AMBN: variants seen among roughly 807,000 people sequenced by gnomAD.
AMBN encodes enamel matrix protein.
AMBN carries 54 observed loss-of-function variants against 48.0 expected under a neutral mutation model. The ratio of observed to expected loss-of-function variants is 1.12; its 90% CI spans 0.90 to 1.41. The LOEUF is 1.41. Ranked by LOEUF, AMBN falls within the 40% of genes most tolerant of loss-of-function variation. The pLI is 0.00. For synonymous variants in AMBN, 186 were observed against 190.0 expected (o/e 0.98, Z 0.17); for missense variants, 571 against 547.3 (o/e 1.04, Z -0.43).
chr4:70,605,274 T>C (rs1192595234), intron 12 of AMBN, among the ~76,000 whole-genome samples: 1 of 152,094 alleles, frequency 6.6e-6, no homozygotes, highest in Non-Finnish European at 1.5e-5. Context: ...TGGCTGGAAG[T>C]TCAAAATTCA....
In AMBN at chr4:70,603,327, T is replaced by G. The variant is rs2093139326; in HGVS notation, c.708+8T>G. On this transcript the variant is annotated splice_region_variant and intron_variant, in intron 10 of 12. Coordinates refer to ENST00000322937, the MANE Select transcript of AMBN (RefSeq NM_016519.6). ...CAAAATAAACAATCTCCAGTAAGTTTTTTTTAATACCACATCTCTGTTTGC... is the reference window on the plus strand; with the variant it reads ...CAAAATAAACAATCTCCAGTAAGTTGTTTTTAATACCACATCTCTGTTTGC... 2 of 1,613,696 alleles carry G rather than the reference T, an allele frequency of 1.2e-6. No homozygotes were observed. Among genetic ancestry groups the G allele is most frequent in the Non-Finnish European group, 1.7e-6 (2 of 1,179,818 alleles).
chr4:70,606,310 C>G lies in AMBN; in HGVS notation c.924C>G (p.Ser308=). The G allele has an allele frequency of 6.2e-7, 1 of 1,614,056 alleles. No individual in the cohort carries two copies. Among genetic ancestry groups the G allele is most frequent in the Non-Finnish European group, 8.5e-7 (1 of 1,180,002 alleles). The change falls in exon 13 of 13, where the codon TCC becomes TCG. Residue 308 remains serine (S), a synonymous_variant. Transcript: ENST00000322937. ...GTGACTTCACTCTGGAATTTGACTC[C>G]CCAGTGGCTGCCACCAAAGGCCCTG... ...MGGDFTLEFD[S]PVAATKGPEN... is the part of the protein sequence containing the mutation.
intron 2 of AMBN, among the ~76,000 whole-genome samples, chr4:70,595,415 G>A (rs1286779911): frequency 1.3e-5 from 2 of 151,904 alleles, no homozygotes; most frequent in African/African-American, 2.4e-5. Context: ...TCAAATTCCT[G>A]ACCTCATGAT....
At chr4:70,601,875 T>C in intron 6 of AMBN, 1 of 664,544 alleles carries the variant, frequency 1.5e-6, no homozygotes, top group South Asian at 1.5e-5. Context: ...TTCTAAAAGA[T>C]ACTGTGCCTA....
chr4:70,605,561 C>T (rs1334216560), intron 12 of AMBN, among the ~76,000 whole-genome samples: 3 of 152,016 alleles, frequency 2.0e-5, no homozygotes, highest in Admixed American at 6.5e-5. Context: ...TATTTGTCCA[C>T]AAGAAGAAAA....
chr4:70,599,439 CA>C (rs370473140), intron 4 of AMBN, 96 bp from the exon 5 acceptor site: 30,448 of 701,054 alleles, frequency 0.043, 19 homozygotes, highest in South Asian at 0.062. Flanking sequence ...GATTCCATCT[CA>C]AAAAAAAAAA....
In AMBN at chr4:70,604,473, TTGAC is replaced by T. The variant is rs550039546; in HGVS notation, c.798+554_798+557del. On this transcript the variant is annotated intron_variant, in intron 12 of 12. Transcript: ENST00000322937. ...TTTGAGATCAATAAAGTCATACAAC[TTGAC>T]TTTTTCCCTAAGAAAATTTTTGCCT... Among the ~76,000 whole-genome samples the T allele has an allele frequency of 2.6e-3, 400 of 152,346 alleles. 1 individual carries two copies. Among genetic ancestry groups the T allele is most frequent in the South Asian group, 7.9e-3 (38 of 4,824 alleles).
At chr4:70,605,526 A>G (rs1285635193) in intron 12 of AMBN, among the ~76,000 whole-genome samples, 1 of 152,214 alleles carries the variant, frequency 6.6e-6, no homozygotes, top group Non-Finnish European at 1.5e-5. Context: ...AGGTAGAAAA[A>G]GAAACATGGT....
chr4:70,596,940 T>A, intron 2 of AMBN, 59 bp from the exon 3 acceptor site: 2 of 1,492,162 alleles, frequency 1.3e-6, no homozygotes, highest in Non-Finnish European at 9.3e-7. Context: ...CTACGCCCAA[T>A]GGGCATTGAA....
intron 2 of AMBN, among the ~76,000 whole-genome samples, chr4:70,595,066 A>G (rs1269433901): frequency 6.6e-6 from 1 of 152,076 alleles, no homozygotes; most frequent in Non-Finnish European, 1.5e-5. Context: ...CGATTCCCCC[A>G]AATTCTCAAC....
At chr4:70,603,393 G>C in intron 10 of AMBN, 23 bp from the exon 11 acceptor site, 1 of 1,613,426 alleles carries the variant, frequency 6.2e-7, no homozygotes, top group African/African-American at 1.3e-5. Context: ...TGCATTTTGT[G>C]ATAATGATTG....
chr4:70,599,816 T>G (rs1388749655), intron 5 of AMBN, among the ~76,000 whole-genome samples, 170 bp downstream of exon 5: 2 of 152,208 alleles, frequency 1.3e-5, no homozygotes, highest in African/African-American at 4.8e-5. Context: ...TTAAGAAATA[T>G]TTTTAAATTT....
chr4:70,599,627 G>A lies in AMBN; in HGVS notation c.275G>A (p.Arg92Lys), dbSNP rs776557419. The A allele has an allele frequency of 1.9e-6, 3 of 1,611,628 alleles. No individual in the cohort carries two copies. The highest frequency in any genetic ancestry group is 2.2e-5 in the South Asian group (2 of 90,778). ...PHSSLPWMRP[R>K]EHETQQYEYS... ...TCCTCTCTTCCATGGATGAGGCCAA[G>A]AGAACATGAAACTCAACAGGTGAGT... Residue 92 changes from arginine to lysine, a missense_variant, in exon 5 of 13, where the codon AGA becomes AAA. Physicochemically the swap from Arg to Lys is conservative, Grantham distance 26. Coordinates refer to ENST00000322937, the MANE Select transcript of AMBN (RefSeq NM_016519.6).
intron 12 of AMBN, among the ~76,000 whole-genome samples, chr4:70,604,303 C>T (rs1196124189): frequency 6.6e-6 from 1 of 152,158 alleles, no homozygotes; most frequent in Admixed American, 6.5e-5. Flanking sequence ...AATTCAACAG[C>T]ATTACAAGTA....
intron 11 of AMBN, 66 bp from the exon 12 acceptor site, chr4:70,603,811 A>G: frequency 1.3e-6 from 2 of 1,556,980 alleles, no homozygotes; most frequent in Non-Finnish European, 1.8e-6. Context: ...ATAACTTTTA[A>G]CTTTGTCTTG....
Position 70,592,350 on chromosome 4 carries a change from G to A in AMBN, c.-9G>A. Reference sequence around the variant, plus strand: ...TGGTTGGCATCATCAGGCCCTGAGAGCACAGTGCATGTCAGCATCTAAGGT... The same window carrying A: ...TGGTTGGCATCATCAGGCCCTGAGAACACAGTGCATGTCAGCATCTAAGGT... On this transcript the variant is annotated 5_prime_UTR_variant, in exon 1 of 13. Coordinates refer to ENST00000322937, the MANE Select transcript of AMBN (RefSeq NM_016519.6). 3 of 1,613,972 alleles carry A rather than the reference G, an allele frequency of 1.9e-6. No individual in the cohort carries two copies. Among genetic ancestry groups the A allele is most frequent in the Non-Finnish European group, 2.5e-6 (3 of 1,179,894 alleles).
chr4:70,597,092 T>C, intron 3 of AMBN, 43 bp downstream of exon 3: 2 of 1,544,886 alleles, frequency 1.3e-6, no homozygotes, highest in Non-Finnish European at 1.8e-6. Context: ...TTTACATTGG[T>C]ATATTTGTGG....
At position 70,606,374 on chromosome 4, in the gene AMBN, G is replaced by A. The variant is rs1259789677; in HGVS notation, c.988G>A (p.Glu330Lys). 1.2e-6 allele frequency: 2 copies of A among 1,614,006 alleles called. No homozygotes were observed. Among genetic ancestry groups the A allele is most frequent in the East Asian group, 4.5e-5 (2 of 44,810 alleles). ...EGGAQGSPMP[E>K]ANPDNLENPA... Reference sequence around the variant, plus strand: ...AGGTGCACAAGGCTCCCCTATGCCGGAGGCCAACCCAGACAATCTAGAAAA... The same window carrying A: ...AGGTGCACAAGGCTCCCCTATGCCGAAGGCCAACCCAGACAATCTAGAAAA... The change falls in exon 13 of 13, where the codon GAG becomes AAG. Residue 330 changes from glutamate to lysine, a missense_variant. Transcript: ENST00000322937.
intron 12 of AMBN, among the ~76,000 whole-genome samples, chr4:70,604,987 T>C (rs1052886341): frequency 9.0e-6 from 1 of 111,384 alleles, no homozygotes; most frequent in Non-Finnish European, 1.9e-5. Context: ...AGCAAGACCC[T>C]GCCTTAAAAA....
Sources: allele counts gnomAD v4.1 joint callset (sites outside exome capture counted in the v4.1 genomes callset), GRCh38; gene constraint gnomAD v4.1.1; transcripts MANE v1.5; gene names NCBI Gene and HGNC (gene_info 2026-07-23, HGNC 2026-07-21).